Variants in PNPLA4 observed in about 807,000 individuals in gnomAD.
PNPLA4 encodes patatin like domain 4, phospholipase and triacylglycerol lipase.
PNPLA4 carries 15 observed loss-of-function variants against 18.3 expected under a neutral mutation model. That is an observed-to-expected ratio of 0.82 (90% confidence interval 0.55 to 1.26). PNPLA4 has a LOEUF of 1.26. PNPLA4 is among the 50% of genes most tolerant of loss of function. PNPLA4 has a pLI of 0.00. For missense variants in PNPLA4, 229 were observed against 196.8 expected, an observed-to-expected ratio of 1.16 and a Z score of -0.98; for synonymous variants, 88 against 85.6, an observed-to-expected ratio of 1.03 and a Z score of -0.16.
chrX:7,901,559 C>G (rs1923534684), intron 6 of PNPLA4, among the ~76,000 whole-genome samples: 1 of 111,629 alleles, frequency 9.0e-6, no homozygotes, highest in South Asian at 3.8e-4. Context: ...TGCACTCCAG[C>G]CTAGGGGACA....
intron 3 of PNPLA4, 51 bp downstream of exon 3, chrX:7,921,953 T>C: frequency 8.9e-7 from 1 of 1,119,931 alleles, no homozygotes; most frequent in Non-Finnish European, 1.2e-6. Context: ...GTACAGAGAG[T>C]CGTCAACATT....
intron 4 of PNPLA4, among the ~76,000 whole-genome samples, chrX:7,920,783 T>A (rs1318410792): frequency 8.9e-6 from 1 of 112,458 alleles, no homozygotes; most frequent in East Asian, 2.8e-4. Context: ...AGATGATGAA[T>A]TCTCAACCAA....
chrX:7,909,607 G>A (rs1321130871), intron 5 of PNPLA4, among the ~76,000 whole-genome samples: 1 of 109,396 alleles, frequency 9.1e-6, no homozygotes, highest in Non-Finnish European at 1.9e-5. Flanking sequence ...CAGGAATATC[G>A]AGGGCAGGCT....
Position 7,912,889 on chromosome X carries a change from T to A in PNPLA4, c.412-796A>T, listed in dbSNP as rs769734768. Among the ~76,000 whole-genome samples the A allele has an allele frequency of 5.2e-4, 58 of 112,113 alleles. No individual in the cohort carries two copies. In the East Asian group the frequency reaches 9.0e-3, roughly 17 times the overall value. On this transcript the variant is annotated intron_variant, in intron 4 of 6. Transcript: ENST00000381042. ...CAAAGATTTCATGAGTTTTTTTTCA[T>A]CATACATTATTCAGAAATGGATTAT...
intron 5 of PNPLA4, among the ~76,000 whole-genome samples, chrX:7,903,400 C>T (rs987385316): frequency 5.5e-5 from 6 of 110,036 alleles, no homozygotes; most frequent in Non-Finnish European, 1.1e-4. Context: ...CCCAGGTTCA[C>T]GCCATTCTCC....
At chrX:7,919,588 A>G (rs1029842189) in intron 4 of PNPLA4, among the ~76,000 whole-genome samples, 1 of 112,415 alleles carries the variant, frequency 8.9e-6, no homozygotes, top group Non-Finnish European at 1.9e-5. Flanking sequence ...CCACTTGGAT[A>G]ATATGGGATC....
chrX:7,912,098 A>G lies in PNPLA4; in HGVS notation c.412-5T>C. 1.7e-6 allele frequency: 2 copies of G among 1,182,385 alleles called. No homozygotes were observed. Among genetic ancestry groups the G allele is most frequent in the African/African-American group, 3.5e-5 (2 of 57,318 alleles). On this transcript the variant is annotated splice_region_variant and splice_polypyrimidine_tract_variant and intron_variant, in intron 4 of 6. Transcript: ENST00000381042. ...AAAACTGCTGGCTAGGAGGACCTAG[A>G]TGGATAAAATAAAGAAGCAGCTCAT...
intron 2 of PNPLA4, 129 bp from the exon 3 acceptor site, chrX:7,922,227 C>T: frequency 9.9e-6 from 5 of 503,136 alleles, no homozygotes; most frequent in Non-Finnish European, 1.7e-5. Context: ...TGTGCAAATT[C>T]CCCACCTGGC....
intron 5 of PNPLA4, among the ~76,000 whole-genome samples, chrX:7,906,890 C>T (rs1024727516): frequency 1.8e-5 from 2 of 112,531 alleles, no homozygotes; most frequent in African/African-American, 3.2e-5. Flanking sequence ...TGCATTTTCA[C>T]GTTCCTGTAA....
At chrX:7,917,366 G>A (rs1016056) in intron 4 of PNPLA4, among the ~76,000 whole-genome samples, 3,036 of 111,904 alleles carry the variant, frequency 0.027, 91 homozygotes, top group Admixed American at 0.1. Context: ...TACAGATATC[G>A]GTTAGCACAT....
rs368415142 is a variant in PNPLA4 at position 7,922,028 on chromosome X, C to T, written c.251G>A (p.Gly84Asp). 1.2e-4 allele frequency: 144 copies of T among 1,206,143 alleles called. No homozygotes were observed. Among genetic ancestry groups the T allele is most frequent in the Non-Finnish European group, 1.5e-4 (136 of 892,127 alleles). ...CCTTAGTCGGGCCATGAAGTCATAA[C>T]CGGGCGTTACTGCCCCGAAAGACTG... ...RRQSFGAVTPGYDFMARLRSG... is the reference protein window; with the variant it reads ...RRQSFGAVTPDYDFMARLRSG... Residue 84 changes from glycine (G) to aspartate (D), a missense_variant, in exon 3 of 7, where the codon GGT becomes GAT. Physicochemically the swap from Gly to Asp is moderately conservative, Grantham distance 94. Coordinates refer to ENST00000381042, the MANE Select transcript of PNPLA4 (RefSeq NM_004650.3).
At chrX:7,913,758 G>A (rs1021729282) in intron 4 of PNPLA4, among the ~76,000 whole-genome samples, 2 of 112,690 alleles carry the variant, frequency 1.8e-5, no homozygotes, top group African/African-American at 3.2e-5. Context: ...GTGGAGCCAC[G>A]TGCAAATGCA....
At chrX:7,926,571 T>C (rs933412952) in intron 1 of PNPLA4, among the ~76,000 whole-genome samples, 1 of 111,902 alleles carries the variant, frequency 8.9e-6, no homozygotes, top group African/African-American at 3.3e-5. Flanking sequence ...TTGTTCTTGG[T>C]AAGTGTATCA....
intron 4 of PNPLA4, among the ~76,000 whole-genome samples, chrX:7,915,497 C>T (rs1278233537): frequency 8.9e-6 from 1 of 111,807 alleles, no homozygotes; most frequent in Non-Finnish European, 1.9e-5. Flanking sequence ...TTTTCACACC[C>T]TATCACTTGG....
At chrX:7,907,154 AT>A (rs1162849960) in intron 5 of PNPLA4, among the ~76,000 whole-genome samples, 10 of 111,197 alleles carry the variant, frequency 9.0e-5, no homozygotes, top group African/African-American at 1.3e-4. Flanking sequence ...AGTAGCTGGA[AT>A]TACAGGCATG....
chrX:7,911,543 G>A (rs1396798798), intron 5 of PNPLA4, among the ~76,000 whole-genome samples: 7 of 111,265 alleles, frequency 6.3e-5, no homozygotes, highest in African/African-American at 1.3e-4. Context: ...AACAAAATGG[G>A]TTTTGGCCTT....
At chrX:7,908,599 T>C (rs773489100) in intron 5 of PNPLA4, among the ~76,000 whole-genome samples, 1 of 112,124 alleles carries the variant, frequency 8.9e-6, no homozygotes, top group South Asian at 3.7e-4. Flanking sequence ...AGAATGGCAC[T>C]TCTAAATTGT....
At chrX:7,918,229 G>A (rs760455824) in intron 4 of PNPLA4, among the ~76,000 whole-genome samples, 5 of 111,618 alleles carry the variant, frequency 4.5e-5, no homozygotes, top group Non-Finnish European at 7.5e-5. Context: ...ACCCGAGACT[G>A]GGTAAATTAT....
In PNPLA4 at chrX:7,922,897, T is replaced by A. The variant is rs773950695; in HGVS notation, c.181-799A>T. ...ACAAGATACAAAGACCCTGTGCTCA[T>A]GAGAGTCATAAGTGCCTCCAAGAGC... is the stretch of plus-strand genomic sequence containing the variant. On this transcript the variant is annotated intron_variant, in intron 2 of 6. Coordinates refer to ENST00000381042, the MANE Select transcript of PNPLA4 (RefSeq NM_004650.3). Among the ~76,000 whole-genome samples the A allele has an allele frequency of 5.3e-5, 6 of 112,202 alleles. No homozygotes were observed. The East Asian group carries it at 1.7e-3, about 32-fold the overall frequency.
Sources: allele counts gnomAD v4.1 joint callset (sites outside exome capture counted in the v4.1 genomes callset), GRCh38; gene constraint gnomAD v4.1.1; transcripts MANE v1.5; gene names NCBI Gene and HGNC (gene_info 2026-07-23, HGNC 2026-07-21).